MIPOL1: variants seen among roughly 807,000 people sequenced by gnomAD.
MIPOL1 encodes the protein mirror-image polydactyly 1.
In MIPOL1, 57 loss-of-function variants were observed where a neutral mutation model predicts 60.9. That is an observed-to-expected ratio of 0.94 (90% CI 0.76 to 1.17). The LOEUF (loss-of-function observed/expected upper bound fraction) is 1.17, where lower values mean the gene tolerates loss of function less well. MIPOL1 is among the 50% of genes most tolerant of loss of function. MIPOL1 has a pLI of 0.00. For synonymous variants in MIPOL1, 179 were observed against 168.8 expected (o/e 1.06, Z -0.47); for missense variants, 551 against 511.6 (o/e 1.08, Z -0.74).
At chr14:37,274,537 A>C (rs534791498) in intron 6 of MIPOL1, among the ~76,000 whole-genome samples, 2 of 151,432 alleles carry the variant, frequency 1.3e-5, no homozygotes, top group Admixed American at 1.3e-4. Context: ...TTAGACACTG[A>C]ATATAGATCA....
At chr14:37,218,690 C>G (rs544563673) in intron 1 of MIPOL1, among the ~76,000 whole-genome samples, 2 of 151,932 alleles carry the variant, frequency 1.3e-5, no homozygotes, top group East Asian at 3.9e-4. Flanking sequence ...AATCTTAGCA[C>G]TTTTGAGAGG....
chr14:37,422,970 G>A lies in MIPOL1; in HGVS notation c.1031+21G>A, dbSNP rs1432450829. The A allele has an allele frequency of 4.8e-6, 7 of 1,450,984 alleles. No individual in the cohort carries two copies. The Admixed American group carries it at 7.1e-5, about 15-fold the overall frequency. 89.9% of individuals were successfully genotyped at this position (1,450,984 alleles called of 1,614,324 possible). A position where few individuals can be genotyped will look rare whatever the true frequency, so the allele number is the denominator to read the frequency against. On this transcript the variant is annotated intron_variant, in intron 11 of 12. Transcript: ENST00000684589. Reference sequence around the variant, plus strand: ...TACAGGTAAAATTCTTTTTAGCCTGGGGTTAAGTAAATATTGTTAGTTTGG... The same window carrying A: ...TACAGGTAAAATTCTTTTTAGCCTGAGGTTAAGTAAATATTGTTAGTTTGG...
chr14:37,424,502 A>G (rs2093928246), intron 11 of MIPOL1, among the ~76,000 whole-genome samples: 1 of 152,210 alleles, frequency 6.6e-6, no homozygotes, highest in Non-Finnish European at 1.5e-5. Flanking sequence ...TACAGTTGTC[A>G]GAAAGAACAT....
chr14:37,293,993 G>A (rs1305576177), intron 7 of MIPOL1, among the ~76,000 whole-genome samples: 1 of 152,212 alleles, frequency 6.6e-6, no homozygotes, highest in Non-Finnish European at 1.5e-5. Flanking sequence ...TGAGATCTGA[G>A]AACGGGCAGA....
chr14:37,287,789 A>G (rs912408589), intron 7 of MIPOL1, among the ~76,000 whole-genome samples: 3 of 151,974 alleles, frequency 2.0e-5, no homozygotes, highest in Admixed American at 6.6e-5. Context: ...TATTTAATCT[A>G]TATTTATTTT....
intron 7 of MIPOL1, among the ~76,000 whole-genome samples, chr14:37,293,869 C>G (rs916618708): frequency 2.0e-5 from 3 of 152,212 alleles, no homozygotes; most frequent in African/African-American, 7.2e-5. Flanking sequence ...CCTCTGTAGG[C>G]TCCACCTCTG....
At chr14:37,456,134 TATC>T (rs1205877394) in intron 11 of MIPOL1, among the ~76,000 whole-genome samples, 4 of 152,094 alleles carry the variant, frequency 2.6e-5, no homozygotes, top group African/African-American at 4.8e-5. Context: ...TTTGTGAAGT[TATC>T]ATACTCGTTG....
chr14:37,360,883 C>T (rs560940662), intron 9 of MIPOL1, among the ~76,000 whole-genome samples: 2 of 152,260 alleles, frequency 1.3e-5, no homozygotes, highest in East Asian at 3.9e-4. Context: ...TTTGCTCTTG[C>T]TTCTCTAGTT....
At chr14:37,249,578 A>G (rs1182572664) in intron 3 of MIPOL1, among the ~76,000 whole-genome samples, 1 of 152,182 alleles carries the variant, frequency 6.6e-6, no homozygotes, top group Non-Finnish European at 1.5e-5. Context: ...ATGTAATTCT[A>G]TATAAAACAA....
chr14:37,365,393 A>G (rs907008891), intron 9 of MIPOL1, among the ~76,000 whole-genome samples: 2 of 151,904 alleles, frequency 1.3e-5, no homozygotes, highest in African/African-American at 4.8e-5. Context: ...TCTATACCCA[A>G]TTTTTTGAGT....
intron 10 of MIPOL1, among the ~76,000 whole-genome samples, chr14:37,375,862 C>T (rs994517706): frequency 5.3e-5 from 8 of 152,050 alleles, no homozygotes; most frequent in Admixed American, 5.2e-4. Flanking sequence ...GGCAGTTACT[C>T]CTGTGACTGG....
At chr14:37,433,564 T>C (rs1400593155) in intron 11 of MIPOL1, among the ~76,000 whole-genome samples, 1 of 151,964 alleles carries the variant, frequency 6.6e-6, no homozygotes, top group Non-Finnish European at 1.5e-5. Flanking sequence ...TCTTGTTTGT[T>C]TGTTTTTTTG....
At chr14:37,204,255 CTG>C (rs1965747577) in intron 1 of MIPOL1, among the ~76,000 whole-genome samples, 2 of 152,048 alleles carry the variant, frequency 1.3e-5, no homozygotes, top group South Asian at 2.1e-4. Context: ...TTTTTAGCAA[CTG>C]TGAGATTGCA....
At position 37,371,056 on chromosome 14, in the gene MIPOL1, T is replaced by C. The variant is rs370170789; in HGVS notation, c.936+1432T>C. Among the ~76,000 whole-genome samples the C allele has an allele frequency of 2.9e-3, 444 of 152,218 alleles. 2 individuals are homozygous for C. Among genetic ancestry groups the C allele is most frequent in the African/African-American group, 0.01 (423 of 41,564 alleles). ...CTTTATTCTGGCACTTCTGGTTGTG[T>C]GTTTCTGTTTAATTTAATGAAATGA... On this transcript the variant is annotated intron_variant, in intron 10 of 12. Coordinates refer to ENST00000684589, the MANE Select transcript of MIPOL1 (RefSeq NM_001388067.1).
At chr14:37,424,299 G>A (rs1000931821) in intron 11 of MIPOL1, among the ~76,000 whole-genome samples, 3 of 152,224 alleles carry the variant, frequency 2.0e-5, no homozygotes, top group South Asian at 4.2e-4. Context: ...AAAGTCAGTA[G>A]GGTGGGCTCT....
chr14:37,209,710 A>T (rs991219545), intron 1 of MIPOL1, among the ~76,000 whole-genome samples: 1 of 152,008 alleles, frequency 6.6e-6, no homozygotes, highest in African/African-American at 2.4e-5. Flanking sequence ...GTTTTCGTTT[A>T]TTTGCTTATT....
chr14:37,209,876 C>T (rs1966659190), intron 1 of MIPOL1, among the ~76,000 whole-genome samples: 1 of 141,916 alleles, frequency 7.0e-6, no homozygotes, highest in Non-Finnish European at 1.5e-5. Context: ...TAATTTTTAA[C>T]TTTTTTTTTT....
In MIPOL1 at chr14:37,270,517, A is replaced by G. The variant is rs1714569712; in HGVS notation, c.485A>G (p.Lys162Arg). 1 of 1,583,024 alleles carries G rather than the reference A, an allele frequency of 6.3e-7. No homozygotes were observed. Among genetic ancestry groups the G allele is most frequent in the African/African-American group, 1.4e-5 (1 of 73,730 alleles). The change falls in exon 6 of 13, where the codon AAG (lysine) becomes AGG (arginine). Residue 162 changes from lysine (K) to arginine (R), a missense_variant. Physicochemically the swap from Lys to Arg is conservative, Grantham distance 26 (BLOSUM62 2). Coordinates refer to ENST00000684589, the MANE Select transcript of MIPOL1 (RefSeq NM_001388067.1). ...EKETEAKIAE[K>R]TAALVEEVYF... Reference sequence around the variant, plus strand: ...GAAACAGAAGCTAAAATTGCTGAAAAGACAGCAGGTATAGTAGAGGAGTAT... The same window carrying G: ...GAAACAGAAGCTAAAATTGCTGAAAGGACAGCAGGTATAGTAGAGGAGTAT...
At chr14:37,452,185 A>G (rs1053594160) in intron 11 of MIPOL1, among the ~76,000 whole-genome samples, 3 of 152,166 alleles carry the variant, frequency 2.0e-5, no homozygotes, top group Non-Finnish European at 4.4e-5. Flanking sequence ...TGGCTACTAA[A>G]AAGTCTCTCT....
Sources: allele counts gnomAD v4.1 joint callset (sites outside exome capture counted in the v4.1 genomes callset), GRCh38; gene constraint gnomAD v4.1.1; transcripts MANE v1.5; gene names NCBI Gene and HGNC (gene_info 2026-07-23, HGNC 2026-07-21).